PRICKLE2: variants seen among roughly 807,000 people sequenced by gnomAD.
PRICKLE2 encodes prickle planar cell polarity protein 2, also known as prickle-like protein 2.
In PRICKLE2, 21 loss-of-function variants were observed where a neutral mutation model predicts 81.4. That is an observed-to-expected ratio of 0.26 (90% confidence interval 0.18 to 0.37). PRICKLE2 has a LOEUF of 0.37. Among genes scored for constraint, PRICKLE2 ranks in the 10% least tolerant of loss-of-function variants. The pLI, the probability that PRICKLE2 is intolerant of heterozygous loss-of-function variation, is 1.00. For synonymous variants in PRICKLE2, 456 were observed against 421.5 expected (o/e 1.08, Z -1.00); for missense variants, 940 against 1,109.0 (o/e 0.85, Z 2.16).
intron 7 of PRICKLE2, among the ~76,000 whole-genome samples, chr3:64,123,924 A>G (rs1039037507): frequency 6.6e-6 from 1 of 152,192 alleles, no homozygotes; most frequent in African/African-American, 2.4e-5. Flanking sequence ...AGTGAAAGGA[A>G]GAGTCGTGCA....
chr3:64,253,622 T>G lies in PRICKLE2; in HGVS notation c.129-54655A>C, dbSNP rs144996260. ...TTATACTGGTAGAATACCTTCGACA[T>G]GCCTTATTTGGAAGGCAACCATGAG... On this transcript the variant is annotated intron_variant, in intron 2 of 8. Transcript: ENST00000295902. Among the ~76,000 whole-genome samples, 6 of 152,232 alleles carry G rather than the reference T, an allele frequency of 3.9e-5. No homozygotes were observed. The South Asian group carries it at 6.2e-4, about 16-fold the overall frequency.
At chr3:64,259,618 T>G (rs941199494) in intron 2 of PRICKLE2, among the ~76,000 whole-genome samples, 7 of 92,312 alleles carry the variant, frequency 7.6e-5, no homozygotes, top group Non-Finnish European at 1.5e-4. Context: ...ATAATTAAAT[T>G]GAAGGTTTTG....
intron 2 of PRICKLE2, among the ~76,000 whole-genome samples, chr3:64,257,835 G>C (rs1458307419): frequency 6.6e-6 from 1 of 152,120 alleles, no homozygotes; most frequent in Non-Finnish European, 1.5e-5. Context: ...CCCCTAAAGT[G>C]ATAGTATTAG....
At chr3:64,262,642 G>T (rs2079633395) in intron 2 of PRICKLE2, among the ~76,000 whole-genome samples, 1 of 151,964 alleles carries the variant, frequency 6.6e-6, no homozygotes, top group Non-Finnish European at 1.5e-5. Flanking sequence ...AAAATTAGAA[G>T]AGGAGAAAAG....
chr3:64,133,815 G>A (rs1457785765), intron 7 of PRICKLE2, among the ~76,000 whole-genome samples: 1 of 152,190 alleles, frequency 6.6e-6, no homozygotes, highest in East Asian at 1.9e-4. Flanking sequence ...CAAGCAAAGT[G>A]CTCCCCAGTT....
chr3:64,190,262 T>G (rs972316899), intron 2 of PRICKLE2: 1 of 152,132 alleles, frequency 6.6e-6, no homozygotes, highest in Non-Finnish European at 1.5e-5. Flanking sequence ...TCTGAAGCTG[T>G]TTTTTTGTTT....
intron 2 of PRICKLE2, among the ~76,000 whole-genome samples, chr3:64,248,175 A>T (rs1408819516): frequency 6.6e-6 from 1 of 152,228 alleles, no homozygotes; most frequent in Admixed American, 6.5e-5. Flanking sequence ...ACTCAACGTT[A>T]GTTAATTTTT....
chr3:64,199,037 C>T, intron 1 of PRICKLE2, 70 bp from the exon 2 acceptor site: 2 of 1,428,684 alleles, frequency 1.4e-6, no homozygotes, highest in Non-Finnish European at 1.9e-6. Flanking sequence ...GCCTGCCAGT[C>T]ACTAGCCCCT....
intron 7 of PRICKLE2, among the ~76,000 whole-genome samples, chr3:64,123,891 G>A (rs1193215120): frequency 6.6e-6 from 1 of 152,094 alleles, no homozygotes; most frequent in African/African-American, 2.4e-5. Context: ...ATTAATAACC[G>A]TATAATGTCT....
intron 1 of PRICKLE2, chr3:64,199,240 A>G (rs1037179722): frequency 3.1e-5 from 18 of 574,564 alleles, no homozygotes; most frequent in Non-Finnish European, 5.0e-5. Context: ...TTCTAAATCA[A>G]TACCCCAAGA....
chr3:64,162,425 C>A (rs1263185359), intron 3 of PRICKLE2, among the ~76,000 whole-genome samples: 1 of 152,060 alleles, frequency 6.6e-6, no homozygotes, highest in African/African-American at 2.4e-5. Context: ...CTTACAGTGC[C>A]ATGTTTCTGG....
chr3:64,180,400 G>A (rs190235158), intron 2 of PRICKLE2, among the ~76,000 whole-genome samples: 3 of 152,200 alleles, frequency 2.0e-5, no homozygotes, highest in African/African-American at 4.8e-5. Context: ...CTGCTACCAC[G>A]ATCCTTCTCC....
At chr3:64,124,815 G>A (rs968138382) in intron 7 of PRICKLE2, among the ~76,000 whole-genome samples, 3 of 152,154 alleles carry the variant, frequency 2.0e-5, no homozygotes, top group African/African-American at 4.8e-5. Context: ...GAGGTATGAC[G>A]GAGATGTACA....
chr3:64,224,830 G>A (rs2079008507), intron 1 of PRICKLE2, 80 bp downstream of exon 1: 3 of 828,594 alleles, frequency 3.6e-6, no homozygotes, highest in African/African-American at 3.7e-5. Flanking sequence ...CAGTGCAAAG[G>A]CCCTAGATCT....
At chr3:64,259,072 G>A (rs2079578724) in intron 2 of PRICKLE2, among the ~76,000 whole-genome samples, 2 of 152,080 alleles carry the variant, frequency 1.3e-5, no homozygotes, top group African/African-American at 4.8e-5. Flanking sequence ...ACACTTCAGT[G>A]AAAAGATCTA....
At chr3:64,173,231 G>A (rs1202602659) in intron 2 of PRICKLE2, among the ~76,000 whole-genome samples, 1 of 152,198 alleles carries the variant, frequency 6.6e-6, no homozygotes, top group Non-Finnish European at 1.5e-5. Context: ...GTACTGATTT[G>A]TAGCATTTGC....
At chr3:64,107,595 G>A (rs914312030) in intron 7 of PRICKLE2, among the ~76,000 whole-genome samples, 7 of 152,064 alleles carry the variant, frequency 4.6e-5, no homozygotes, top group African/African-American at 7.2e-5. Context: ...TAAGCCCAGC[G>A]CTTTGGGAAG....
intron 2 of PRICKLE2, among the ~76,000 whole-genome samples, chr3:64,194,858 A>G (rs1157706668): frequency 6.6e-6 from 1 of 152,052 alleles, no homozygotes; most frequent in Non-Finnish European, 1.5e-5. Flanking sequence ...CCTGGGCAAC[A>G]TAGTGAGACC....
intron 2 of PRICKLE2, among the ~76,000 whole-genome samples, chr3:64,164,856 G>A (rs2107049870): frequency 6.6e-6 from 1 of 152,278 alleles, no homozygotes. Flanking sequence ...TTAGAAGCTG[G>A]CAATTTGCCT....
Sources: allele counts gnomAD v4.1 joint callset (sites outside exome capture counted in the v4.1 genomes callset), GRCh38; gene constraint gnomAD v4.1.1; transcripts MANE v1.5; gene names NCBI Gene and HGNC (gene_info 2026-07-23, HGNC 2026-07-21).